The following CMSS1 variants were observed in gnomAD, a reference collection of about 807,000 sequenced individuals.
CMSS1 encodes the protein protein CMSS1.
Under a neutral mutation model 43.5 loss-of-function variants are expected in CMSS1, and 33 were observed. The observed-to-expected ratio is 0.76, with a 90% CI of 0.57 to 1.01. The LOEUF is 1.01. CMSS1 is among the 50% of genes least tolerant of loss of function. The pLI is 0.00. For missense variants in CMSS1, 313 were observed against 326.4 expected (o/e 0.96, Z 0.32); for synonymous variants, 115 against 117.2 (o/e 0.98, Z 0.12).
chr3:99,846,948 ATT>A (rs1403514370), intron 1 of CMSS1, among the ~76,000 whole-genome samples: 1 of 152,210 alleles, frequency 6.6e-6, no homozygotes, highest in Admixed American at 6.5e-5. Context: ...CATACTTGTA[ATT>A]TAAATGTTCC....
At chr3:99,823,757 C>T (rs1471027737) in intron 1 of CMSS1, among the ~76,000 whole-genome samples, 1 of 152,086 alleles carries the variant, frequency 6.6e-6, no homozygotes, top group East Asian at 1.9e-4. Context: ...GGCTGGTGGC[C>T]ACCAGGTCTT....
chr3:100,009,843 C>G (rs554927348), intron 1 of CMSS1, among the ~76,000 whole-genome samples: 1 of 152,152 alleles, frequency 6.6e-6, no homozygotes, highest in Non-Finnish European at 1.5e-5. Context: ...GTATACGTGT[C>G]CACGTTTTCA....
At chr3:99,884,172 C>G (rs1311512963) in intron 1 of CMSS1, among the ~76,000 whole-genome samples, 1 of 152,122 alleles carries the variant, frequency 6.6e-6, no homozygotes, top group African/African-American at 2.4e-5. Context: ...GGGAAAAGCT[C>G]AAGCCAGAAT....
At chr3:99,987,231 A>C (rs1483012026) in intron 1 of CMSS1, among the ~76,000 whole-genome samples, 4 of 133,484 alleles carry the variant, frequency 3.0e-5, no homozygotes, top group African/African-American at 1.1e-4. Flanking sequence ...CCTGTCTCTT[A>C]AGGGGAAAAA....
chr3:100,010,424 G>A, intron 1 of CMSS1, among the ~76,000 whole-genome samples: 1 of 151,946 alleles, frequency 6.6e-6, no homozygotes, highest in East Asian at 1.9e-4. Flanking sequence ...CCTCAATTTT[G>A]CCTTTTAGAG....
intron 1 of CMSS1, among the ~76,000 whole-genome samples, chr3:100,096,673 G>C (rs2066215026): frequency 6.6e-6 from 1 of 151,328 alleles, no homozygotes; most frequent in South Asian, 2.1e-4. Flanking sequence ...AAAAAAAAAA[G>C]AAAGAATGAA....
intron 1 of CMSS1, among the ~76,000 whole-genome samples, chr3:100,145,195 C>A (rs1380484371): frequency 6.6e-6 from 1 of 152,048 alleles, no homozygotes; most frequent in Non-Finnish European, 1.5e-5. Context: ...AATCCCAGCA[C>A]TTTGAGAGGC....
intron 1 of CMSS1, among the ~76,000 whole-genome samples, chr3:100,074,518 A>G (rs954298686): frequency 1.2e-4 from 18 of 151,952 alleles, no homozygotes; most frequent in Admixed American, 9.8e-4. Flanking sequence ...TTGCAAATTT[A>G]TTCTATAGCC....
At chr3:100,078,708 C>T (rs1397234812) in intron 1 of CMSS1, among the ~76,000 whole-genome samples, 5 of 151,996 alleles carry the variant, frequency 3.3e-5, no homozygotes, top group African/African-American at 7.3e-5. Flanking sequence ...CTAGCCAACA[C>T]GGCGAAACCC....
chr3:100,090,037 C>T (rs374812269), intron 1 of CMSS1, among the ~76,000 whole-genome samples: 9 of 152,330 alleles, frequency 5.9e-5, no homozygotes, highest in African/African-American at 2.2e-4. Flanking sequence ...GATAGGAGTG[C>T]GTGGAGCCAC....
At chr3:100,045,790 A>G (rs2065269870) in intron 1 of CMSS1, among the ~76,000 whole-genome samples, 1 of 152,232 alleles carries the variant, frequency 6.6e-6, no homozygotes, top group African/African-American at 2.4e-5. Context: ...AGAAAGCTGT[A>G]ACACATTGCA....
chr3:99,988,427 G>T (rs541390408), intron 1 of CMSS1, among the ~76,000 whole-genome samples: 1 of 144,590 alleles, frequency 6.9e-6, no homozygotes, highest in Non-Finnish European at 1.5e-5. Flanking sequence ...CAGGAGAATC[G>T]CTTGAATGTG....
chr3:100,019,792 T>C (rs2064774691), intron 1 of CMSS1, among the ~76,000 whole-genome samples: 1 of 152,198 alleles, frequency 6.6e-6, no homozygotes, highest in African/African-American at 2.4e-5. Flanking sequence ...AGGAGTAAGA[T>C]AATTTTTCAT....
chr3:99,934,669 C>A (rs762469081), intron 1 of CMSS1, among the ~76,000 whole-genome samples: 7 of 152,176 alleles, frequency 4.6e-5, no homozygotes, highest in African/African-American at 1.4e-4. Context: ...TAGCTTAAGG[C>A]AGCCCTGAGC....
intron 1 of CMSS1, among the ~76,000 whole-genome samples, chr3:99,901,127 A>G (rs1345504696): frequency 3.9e-5 from 6 of 152,242 alleles, no homozygotes; most frequent in Non-Finnish European, 8.8e-5. Context: ...ATTTAATACA[A>G]ATCAAGTAAG....
At chr3:99,932,288 T>G (rs1707506744) in intron 1 of CMSS1, among the ~76,000 whole-genome samples, 2 of 152,202 alleles carry the variant, frequency 1.3e-5, no homozygotes, top group Admixed American at 1.3e-4. Context: ...TGCTGAACAA[T>G]GTATAGTATT....
intron 1 of CMSS1, among the ~76,000 whole-genome samples, chr3:99,868,332 C>T (rs1559667928): frequency 6.6e-6 from 1 of 152,122 alleles, no homozygotes; most frequent in Non-Finnish European, 1.5e-5. Context: ...AAGCTTAATC[C>T]TTTACTCCAC....
intron 1 of CMSS1, among the ~76,000 whole-genome samples, chr3:100,115,465 A>T (rs2066550991): frequency 6.6e-6 from 1 of 152,218 alleles, no homozygotes; most frequent in Admixed American, 6.5e-5. Context: ...TAGAAAAAAT[A>T]CAGGAATAAT....
chr3:100,055,694 G>C (rs1157674746), intron 1 of CMSS1, among the ~76,000 whole-genome samples: 2 of 152,068 alleles, frequency 1.3e-5, no homozygotes, highest in African/African-American at 4.8e-5. Flanking sequence ...CTGTTCTTTA[G>C]TAGTCAAACA....
Sources: allele counts gnomAD v4.1 joint callset (sites outside exome capture counted in the v4.1 genomes callset), GRCh38; gene constraint gnomAD v4.1.1; transcripts MANE v1.5; gene names NCBI Gene and HGNC (gene_info 2026-07-23, HGNC 2026-07-21).